Variants in TBC1D22B observed in about 807,000 individuals in gnomAD.
The protein encoded by TBC1D22B is TBC1 domain family member 22B.
A neutral mutation model predicts 69.1 loss-of-function variants in TBC1D22B; 32 were observed. That is an observed-to-expected ratio of 0.46 (90% CI 0.35 to 0.62). The LOEUF is 0.62. TBC1D22B is among the 20% of genes least tolerant of loss of function. TBC1D22B has a pLI of 0.00. For missense variants in TBC1D22B, 462 were observed against 630.9 expected, an observed-to-expected ratio of 0.73 and a Z score of 2.87; for synonymous variants, 206 against 229.8, an observed-to-expected ratio of 0.90 and a Z score of 0.94.
intron 12 of TBC1D22B, among the ~76,000 whole-genome samples, chr6:37,328,717 C>A (rs947999352): frequency 3.9e-5 from 6 of 151,964 alleles, no homozygotes; most frequent in Non-Finnish European, 8.8e-5. Context: ...AATTTATTTT[C>A]TGTTTTTTTT....
At chr6:37,267,560 TACACACACACA>T (rs1562039930) in intron 1 of TBC1D22B, among the ~76,000 whole-genome samples, 3 of 145,314 alleles carry the variant, frequency 2.1e-5, no homozygotes, top group Non-Finnish European at 4.5e-5. Context: ...CATATATATA[TACACACACACA>T]TATATATATT....
chr6:37,305,496 A>G (rs989286874), intron 8 of TBC1D22B, among the ~76,000 whole-genome samples: 6 of 147,780 alleles, frequency 4.1e-5, no homozygotes, highest in African/African-American at 1.5e-4. Context: ...ACTGATTTCT[A>G]ACACCTAGAT....
In TBC1D22B at chr6:37,327,837, G is replaced by A. The variant is rs375403755; in HGVS notation, c.1390-3207G>A. On this transcript the variant is annotated intron_variant, in intron 12 of 12. Coordinates refer to ENST00000373491, the MANE Select transcript of TBC1D22B (RefSeq NM_017772.4). ...GGGACCTTGGGATGTGCACTCCTCC[G>A]GGGGTTCACCACCATCATGACGGCT... Among the ~76,000 whole-genome samples the A allele has an allele frequency of 4.9e-4, 74 of 152,170 alleles. No homozygotes were observed. In the South Asian group the frequency reaches 6.8e-3, roughly 14 times the overall value.
chr6:37,274,789 G>A (rs180767440), intron 2 of TBC1D22B, among the ~76,000 whole-genome samples: 122 of 152,344 alleles, frequency 8.0e-4, no homozygotes, highest in African/African-American at 2.9e-3. Flanking sequence ...GGTGGCTCAC[G>A]CCTGTAATCC....
intron 3 of TBC1D22B, 28 bp from the exon 4 acceptor site, chr6:37,282,157 G>A (rs374949392): frequency 5.3e-5 from 86 of 1,611,548 alleles, no homozygotes; most frequent in African/African-American, 4.0e-4. Flanking sequence ...CACACAGCCC[G>A]TTCTCTTTCT....
chr6:37,267,511 T>A (rs891537193), intron 1 of TBC1D22B, among the ~76,000 whole-genome samples: 3 of 136,602 alleles, frequency 2.2e-5, no homozygotes, highest in African/African-American at 8.8e-5. Context: ...ACTATATATA[T>A]AATATATATA....
At chr6:37,269,697 A>G (rs1439822001) in intron 2 of TBC1D22B, 47 bp downstream of exon 2, 1 of 1,553,386 alleles carries the variant, frequency 6.4e-7, no homozygotes, top group Non-Finnish European at 8.9e-7. Flanking sequence ...TGTCACCCCT[A>G]TACCCTCCCC....
intron 8 of TBC1D22B, among the ~76,000 whole-genome samples, chr6:37,299,842 C>T (rs1047460252): frequency 6.6e-6 from 1 of 151,994 alleles, no homozygotes; most frequent in African/African-American, 2.4e-5. Flanking sequence ...AAACCCGTCT[C>T]TACCAAAAAT....
At position 37,257,872 on chromosome 6, in the gene TBC1D22B, G is replaced by C. The variant is rs1187864657; in HGVS notation, c.-46G>C. ...TTGCGGGGTCTGGGGGCATCTCGCCGGGCAAACCCTTGGCCCGCCTACAAG... is the reference window on the plus strand; with the variant it reads ...TTGCGGGGTCTGGGGGCATCTCGCCCGGCAAACCCTTGGCCCGCCTACAAG... On this transcript the variant is annotated 5_prime_UTR_variant, in exon 1 of 13. Transcript: ENST00000373491. The C allele has an allele frequency of 1.2e-6, 2 of 1,601,170 alleles. No individual in the cohort carries two copies. The highest frequency in any genetic ancestry group is 8.5e-7 in the Non-Finnish European group (1 of 1,173,670).
intron 1 of TBC1D22B, among the ~76,000 whole-genome samples, chr6:37,259,480 G>T (rs904406955): frequency 1.3e-5 from 2 of 152,086 alleles, no homozygotes; most frequent in Non-Finnish European, 2.9e-5. Flanking sequence ...GAAGACTGTT[G>T]TATCAGGAAG....
At chr6:37,313,539 C>T (rs1767990499) in intron 9 of TBC1D22B, among the ~76,000 whole-genome samples, 1 of 151,686 alleles carries the variant, frequency 6.6e-6, no homozygotes, top group African/African-American at 2.4e-5. Flanking sequence ...TTGGAGTCTG[C>T]AGAAATCTCC....
intron 1 of TBC1D22B, among the ~76,000 whole-genome samples, chr6:37,267,434 TACAC>T (rs1197536318): frequency 7.0e-6 from 1 of 143,794 alleles, no homozygotes; most frequent in African/African-American, 2.6e-5. Flanking sequence ...ATAATATATA[TACAC>T]ACATATATAA....
chr6:37,266,399 G>T (rs951774243), intron 1 of TBC1D22B, among the ~76,000 whole-genome samples: 13 of 151,670 alleles, frequency 8.6e-5, no homozygotes, highest in Non-Finnish European at 1.8e-4. Flanking sequence ...CATACATGTA[G>T]TTCTGCATCT....
chr6:37,288,230 AT>A (rs1767066860), intron 7 of TBC1D22B, among the ~76,000 whole-genome samples: 2 of 152,232 alleles, frequency 1.3e-5, no homozygotes, highest in Non-Finnish European at 2.9e-5. Context: ...AGGTAACATC[AT>A]TATTTTAACT....
At chr6:37,286,079 A>G (rs1218327795) in intron 6 of TBC1D22B, among the ~76,000 whole-genome samples, 1 of 152,150 alleles carries the variant, frequency 6.6e-6, no homozygotes, top group Non-Finnish European at 1.5e-5. Context: ...TACCTGCTAC[A>G]TACATGCCAG....
Position 37,279,382 on chromosome 6 carries a change from G to A in TBC1D22B, c.192G>A (p.Arg64=), listed in dbSNP as rs1766755482. The A allele has an allele frequency of 1.2e-6, 2 of 1,614,084 alleles. No homozygotes were observed. Among genetic ancestry groups the A allele is most frequent in the African/African-American group, 1.3e-5 (1 of 74,926 alleles). ...KKASSFHEFA[R]NTSDAWDIGD... Reference sequence around the variant, plus strand: ...CCTCCAGTTTTCATGAGTTTGCACGGAATACCAGTGATGCTTGGGACATTG... The same window carrying A: ...CCTCCAGTTTTCATGAGTTTGCACGAAATACCAGTGATGCTTGGGACATTG... Residue 64 remains arginine, a synonymous_variant, in exon 3 of 13, where the codon CGG becomes CGA. Coordinates refer to ENST00000373491, the MANE Select transcript of TBC1D22B (RefSeq NM_017772.4).
intron 2 of TBC1D22B, among the ~76,000 whole-genome samples, chr6:37,270,458 T>G (rs1260455475): frequency 1.3e-5 from 2 of 151,818 alleles, no homozygotes; most frequent in Non-Finnish European, 2.9e-5. Context: ...CTCAAAAAAA[T>G]AAAAATAAAA....
At chr6:37,318,877 C>T (rs958634105) in intron 12 of TBC1D22B, among the ~76,000 whole-genome samples, 6 of 152,102 alleles carry the variant, frequency 3.9e-5, no homozygotes, top group African/African-American at 1.2e-4. Flanking sequence ...ATGCTTTGCA[C>T]GTTTCTGAAC....
intron 3 of TBC1D22B, among the ~76,000 whole-genome samples, chr6:37,281,327 A>G (rs1186282916): frequency 1.3e-5 from 2 of 152,256 alleles, no homozygotes; most frequent in African/African-American, 4.8e-5. Context: ...TGCCTTATAC[A>G]TATGAAGCAC....
Sources: gnomAD v4.1 joint callset for allele counts (sites outside exome capture counted in the v4.1 genomes callset) on GRCh38, gnomAD v4.1.1 for gene constraint, MANE v1.5 for transcripts, NCBI Gene and HGNC (gene_info 2026-07-23, HGNC 2026-07-21) for gene names.